TRPV3: variants seen among roughly 807,000 people sequenced by gnomAD.
TRPV3 encodes the protein VRL-3.
Under a neutral mutation model 87.1 loss-of-function variants are expected in TRPV3, and 88 were observed. That is an observed-to-expected ratio of 1.01 (90% CI 0.85 to 1.21). TRPV3 has a LOEUF of 1.21. TRPV3 is among the 50% of genes most tolerant of loss of function. TRPV3 has a pLI of 0.00. For missense variants in TRPV3, 1,054 were observed against 1,030.1 expected (o/e 1.02, Z -0.32); for synonymous variants, 438 against 423.3 (o/e 1.03, Z -0.43).
rs964587701 is a variant in TRPV3, at chr17:3,535,554, G to C, written c.784+19C>G. The C allele has an allele frequency of 1.5e-5, 23 of 1,522,900 alleles. No homozygotes were observed. Among genetic ancestry groups the C allele is most frequent in the Non-Finnish European group, 1.9e-5 (21 of 1,129,240 alleles). The allele number at this position is 1,522,900 out of a possible 1,614,324, so 94.3% of individuals were successfully genotyped here. ...CCTCCCTCCTCCCAGACTCCGCACC[G>C]GGCGGGGGCGGCACCCACCGAAGTA... On this transcript the variant is annotated intron_variant, in intron 7 of 17. Coordinates refer to ENST00000576742, the MANE Select transcript of TRPV3 (RefSeq NM_145068.4).
At chr17:3,552,843 G>C (rs1356905426) in intron 2 of TRPV3, 1 of 152,276 alleles carries the variant, frequency 6.6e-6, no homozygotes, top group Non-Finnish European at 1.5e-5. Context: ...AGGAGAGCCA[G>C]GGAGGTGGTC....
intron 2 of TRPV3, among the ~76,000 whole-genome samples, chr17:3,551,120 G>T (rs563599683): frequency 5.3e-5 from 8 of 152,340 alleles, no homozygotes; most frequent in African/African-American, 1.9e-4. Context: ...TCTGGTTTGG[G>T]AAAAGCCCCG....
At chr17:3,519,414 A>ATGAT (rs1418903819) in intron 14 of TRPV3, among the ~76,000 whole-genome samples, 232 of 135,876 alleles carry the variant, frequency 1.7e-3, no homozygotes, top group African/African-American at 6.5e-3. Context: ...GGATGGATGG[A>ATGAT]TGGATGATTG....
intron 16 of TRPV3, among the ~76,000 whole-genome samples, chr17:3,516,023 C>T (rs2074180142): frequency 6.6e-6 from 1 of 151,780 alleles, no homozygotes; most frequent in South Asian, 2.1e-4. Context: ...TCTGCCTCTA[C>T]TAAAAATACA....
intron 8 of TRPV3, among the ~76,000 whole-genome samples, chr17:3,532,423 G>A (rs571005047): frequency 3.9e-5 from 6 of 152,386 alleles, no homozygotes; most frequent in Admixed American, 6.5e-5. Flanking sequence ...GAAACGCGGC[G>A]TATTAGGGAC....
intron 11 of TRPV3, chr17:3,527,750 T>G (rs1597475058): frequency 2.1e-6 from 1 of 469,368 alleles, no homozygotes; most frequent in Non-Finnish European, 3.9e-6. Context: ...ATCGGATGGG[T>G]GGATGGGGGT....
chr17:3,521,333 T>TGGCATGCTGGAGCCAGC (rs1379706849), intron 13 of TRPV3, among the ~76,000 whole-genome samples: 2 of 152,242 alleles, frequency 1.3e-5, no homozygotes, highest in East Asian at 3.9e-4. Context: ...CTGGGGGCAG[T>TGGCATGCTGGAGCCAGC]GGCATGCTGG....
intron 11 of TRPV3, among the ~76,000 whole-genome samples, chr17:3,527,493 C>T (rs1368894528): frequency 6.6e-6 from 1 of 152,154 alleles, no homozygotes; most frequent in Non-Finnish European, 1.5e-5. Flanking sequence ...GCTGTGAATT[C>T]AAAGAGGGCA....
At position 3,527,015 on chromosome 17, in the gene TRPV3, C is replaced by T. The variant is rs570984669; in HGVS notation, c.1504-88G>A. 5.5e-4 allele frequency: 583 copies of T among 1,061,570 alleles called. 1 individual carries two copies. The highest frequency in any genetic ancestry group is 7.2e-4 in the Non-Finnish European group (511 of 705,012). The allele number at this position is 1,061,570 out of a possible 1,614,324, so 65.8% of individuals were successfully genotyped here. ...AGAGGGTGCTTCCCCAGGACCAAGA[C>T]TCAGTGAGGGTTGAATGCACAAAGG... On this transcript the variant is annotated intron_variant, in intron 11 of 17. Transcript: ENST00000576742.
chr17:3,543,504 A>C lies in TRPV3; in HGVS notation c.436T>G (p.Cys146Gly), dbSNP rs1163968563. 2.5e-6 allele frequency: 4 copies of C among 1,613,738 alleles called. No individual in the cohort carries two copies. The highest frequency in any genetic ancestry group is 1.7e-5 in the Admixed American group (1 of 60,008). ...VELLVELQEL[C>G]RRRHDEDVPD... The stretch of plus-strand genomic sequence containing the variant: ...ACATCCTCATCATGGCGCCGCCTGC[A>C]AAGCTCCTGCAGCTCCACCAGCAAC... The change falls in exon 5 of 18, where the codon TGC (cysteine) becomes GGC (glycine). Residue 146 changes from cysteine (C) to glycine (G), a missense_variant. Transcript: ENST00000576742.
At chr17:3,519,127 T>A (rs143645733) in intron 14 of TRPV3, among the ~76,000 whole-genome samples, 474 of 152,352 alleles carry the variant, frequency 3.1e-3, no homozygotes, top group African/African-American at 0.01. Context: ...GAGCCACTAA[T>A]TATAATCCAT....
chr17:3,555,848 G>A (rs1001888320), intron 1 of TRPV3, among the ~76,000 whole-genome samples: 1 of 152,052 alleles, frequency 6.6e-6, no homozygotes, highest in Non-Finnish European at 1.5e-5. Flanking sequence ...ATGCGGGCAG[G>A]CTGGGCCCTG....
At chr17:3,531,384 G>A (rs1053964794) in intron 8 of TRPV3, among the ~76,000 whole-genome samples, 6 of 152,190 alleles carry the variant, frequency 3.9e-5, no homozygotes, top group Non-Finnish European at 8.8e-5. Context: ...GAGAGCCCAG[G>A]CAGAGAGCTT....
At chr17:3,551,870 C>CTTTTTTTTTTTTTTTTTTTTTTTT (rs747932928) in intron 2 of TRPV3, among the ~76,000 whole-genome samples, 3 of 43,360 alleles carry the variant, frequency 6.9e-5, no homozygotes, top group Non-Finnish European at 8.4e-5. Context: ...GTAATTTATT[C>CTTTTTTTTTTTTTTTTTTTTTTTT]TTTTTTTTTT....
At chr17:3,524,479 G>A in intron 12 of TRPV3, 116 bp from the exon 13 acceptor site, 1 of 1,318,740 alleles carries the variant, frequency 7.6e-7, no homozygotes, top group Non-Finnish European at 1.0e-6. Flanking sequence ...GGTGACGGAT[G>A]CTGAAGAGAC....
Position 3,554,495 on chromosome 17 carries a change from T to G in TRPV3, c.119+237A>C, listed in dbSNP as rs560573103. 1.2e-3 allele frequency: 564 copies of G among 461,016 alleles called. 8 individuals are homozygous for G. In the South Asian group the frequency reaches 0.022, roughly 18 times the overall value. 28.6% of individuals were successfully genotyped at this position (461,016 alleles called of 1,614,324 possible). ...CTCCTGCCTCAGCACCCCCGATCCCTCCAAGGAGGCTTCCCTAATTGTGCC... is the reference window on the plus strand; with the variant it reads ...CTCCTGCCTCAGCACCCCCGATCCCGCCAAGGAGGCTTCCCTAATTGTGCC... On this transcript the variant is annotated intron_variant, in intron 2 of 17. Coordinates refer to ENST00000576742, the MANE Select transcript of TRPV3 (RefSeq NM_145068.4).
chr17:3,534,226 A>G (rs919075068), intron 7 of TRPV3, among the ~76,000 whole-genome samples: 5 of 152,080 alleles, frequency 3.3e-5, no homozygotes, highest in African/African-American at 9.7e-5. Context: ...GGCTGCCCAG[A>G]GCACAGACTA....
chr17:3,510,589 T>C lies in TRPV3; in HGVS notation c.*3328A>G, dbSNP rs1248615051. ...GTTCTTACTCTTTGTATGATTTCTT[T>C]CTTGAACATAGAGTTTCGCACACAC... On this transcript the variant is annotated 3_prime_UTR_variant, in exon 18 of 18. Transcript: ENST00000576742. The C allele has an allele frequency of 6.6e-6, 1 of 152,276 alleles. No individual in the cohort carries two copies. The highest frequency in any genetic ancestry group is 2.4e-5 in the African/African-American group (1 of 41,478). 9.4% of individuals were successfully genotyped at this position (152,276 alleles called of 1,614,324 possible).
chr17:3,524,100 C>A, intron 13 of TRPV3, 98 bp downstream of exon 13: 1 of 1,478,088 alleles, frequency 6.8e-7, no homozygotes, highest in South Asian at 1.3e-5. Flanking sequence ...AGTGACCTGC[C>A]CCTTGGTAAA....
Sources: allele counts gnomAD v4.1 joint callset (sites outside exome capture counted in the v4.1 genomes callset), GRCh38; gene constraint gnomAD v4.1.1; transcripts MANE v1.5; gene names NCBI Gene and HGNC (gene_info 2026-07-23, HGNC 2026-07-21).